Variants in LDAH observed in about 807,000 individuals in gnomAD.
LDAH encodes the protein lipid droplet-associated hydrolase.
LDAH carries 26 observed loss-of-function variants against 29.6 expected under a neutral mutation model. The ratio of observed to expected loss-of-function variants is 0.88; its 90% confidence interval spans 0.64 to 1.22. The LOEUF (loss-of-function observed/expected upper bound fraction) is 1.22, where lower values mean the gene tolerates loss of function less well. Ranked by LOEUF, LDAH falls within the 50% of genes most tolerant of loss-of-function variation. The pLI is 0.00. For synonymous variants in LDAH, 117 were observed against 133.0 expected (o/e 0.88, Z 0.83); for missense variants, 344 against 387.3 (o/e 0.89, Z 0.94).
intron 4 of LDAH, among the ~76,000 whole-genome samples, chr2:20,751,784 G>C (rs1226271669): frequency 6.6e-6 from 1 of 152,224 alleles, no homozygotes; most frequent in Non-Finnish European, 1.5e-5. Context: ...TGAAGAATCA[G>C]ACGAAATTGT....
At chr2:20,785,768 C>T (rs514459) in intron 3 of LDAH, among the ~76,000 whole-genome samples, 55,394 of 152,010 alleles carry the variant, frequency 0.36, 10,867 homozygotes, top group East Asian at 0.5. Context: ...TTTTCCAGCC[C>T]ACTGATTTTT....
rs760377645 is a variant in LDAH at position 20,784,594 on chromosome 2, T to A, written c.298+5661A>T. ...ATAATAATTATACTTATTAAAAAAATTTTTTTTTGGCTGGGCACAGTGGCT... is the reference window on the plus strand; with the variant it reads ...ATAATAATTATACTTATTAAAAAAAATTTTTTTTGGCTGGGCACAGTGGCT... On this transcript the variant is annotated intron_variant, in intron 3 of 6. Coordinates refer to ENST00000237822, the MANE Select transcript of LDAH (RefSeq NM_021925.4). 1.1e-3 allele frequency among the ~76,000 whole-genome samples: 163 copies of A among 150,692 alleles called. 1 individual carries two copies. Among genetic ancestry groups the A allele is most frequent in the Non-Finnish European group, 1.9e-3 (130 of 67,512 alleles).
chr2:20,769,595 G>T (rs1488185902), intron 4 of LDAH, among the ~76,000 whole-genome samples: 2 of 152,088 alleles, frequency 1.3e-5, no homozygotes, highest in Admixed American at 1.3e-4. Context: ...GTATGGATGA[G>T]GTATATTCCT....
chr2:20,683,529 G>A (rs1263200166), downstream of LDAH, among the ~76,000 whole-genome samples: 1 of 152,186 alleles, frequency 6.6e-6, no homozygotes, highest in Non-Finnish European at 1.5e-5. Context: ...TTTGCTTCCC[G>A]CATCTTTTCT....
chr2:20,698,825 G>A lies in LDAH; in HGVS notation c.786+2745C>T, dbSNP rs1273686357. Among the ~76,000 whole-genome samples, 2 of 152,200 alleles carry A rather than the reference G, an allele frequency of 1.3e-5. No homozygotes were observed. The highest frequency in any genetic ancestry group is 6.5e-5 in the Admixed American group (1 of 15,282). The stretch of plus-strand genomic sequence containing the variant: ...TAAATTACTTTATGTCCAATACTGT[G>A]TATAAAGTCACTGGACCTCAGAAGG... On this transcript the variant is annotated intron_variant, in intron 6 of 6. Coordinates refer to ENST00000237822, the MANE Select transcript of LDAH (RefSeq NM_021925.4). This position sits in a 1 kb window ranked among gnomAD's most constrained non-coding sequence, Gnocchi z 4.4.
intron 5 of LDAH, among the ~76,000 whole-genome samples, chr2:20,735,853 A>G (rs1666736100): frequency 6.6e-6 from 1 of 152,106 alleles, no homozygotes; most frequent in Non-Finnish European, 1.5e-5. Context: ...CTAGGCTTCC[A>G]CTGTTACCAT....
chr2:20,758,460 T>C (rs1668474026), intron 4 of LDAH, among the ~76,000 whole-genome samples: 1 of 152,138 alleles, frequency 6.6e-6, no homozygotes, highest in Non-Finnish European at 1.5e-5. Context: ...ATTAGTGAAG[T>C]AGAATGTTAA....
intron 2 of LDAH, among the ~76,000 whole-genome samples, chr2:20,798,473 CAG>C (rs1671452473): frequency 6.6e-6 from 1 of 151,740 alleles, no homozygotes; most frequent in African/African-American, 2.4e-5. Flanking sequence ...AAAAAGATAA[CAG>C]AACATCATTA....
chr2:20,747,804 A>G (rs551730569), intron 4 of LDAH, among the ~76,000 whole-genome samples: 2 of 152,274 alleles, frequency 1.3e-5, no homozygotes, highest in East Asian at 3.9e-4. Context: ...ACACTTATGC[A>G]CTTTATATAT....
chr2:20,767,124 C>T (rs971039327), intron 4 of LDAH, among the ~76,000 whole-genome samples: 10 of 152,328 alleles, frequency 6.6e-5, no homozygotes, highest in African/African-American at 2.2e-4. Context: ...GTTGCCCCTA[C>T]CCTGACACTG....
chr2:20,813,699 G>A (rs929586057), intron 1 of LDAH, among the ~76,000 whole-genome samples: 1 of 152,116 alleles, frequency 6.6e-6, no homozygotes, highest in African/African-American at 2.4e-5. Flanking sequence ...GATGTAGAAT[G>A]GTATCTTTCC....
At chr2:20,822,431 C>G (rs1451529127) in intron 1 of LDAH, among the ~76,000 whole-genome samples, 1 of 152,156 alleles carries the variant, frequency 6.6e-6, no homozygotes. Context: ...GCGTGAGCCA[C>G]GGCGCCCGGC....
At chr2:20,793,904 C>A (rs1671133376) in intron 2 of LDAH, among the ~76,000 whole-genome samples, 1 of 152,160 alleles carries the variant, frequency 6.6e-6, no homozygotes. Flanking sequence ...CAGGCCCACA[C>A]AGCTTCACTG....
intron 5 of LDAH, among the ~76,000 whole-genome samples, chr2:20,714,787 A>G (rs1665036934): frequency 6.6e-6 from 1 of 152,256 alleles, no homozygotes; most frequent in Non-Finnish European, 1.5e-5. Flanking sequence ...TCTAGAAGAA[A>G]TGGATAAATT....
At chr2:20,802,848 A>C (rs1370668917) in intron 1 of LDAH, among the ~76,000 whole-genome samples, 2 of 152,218 alleles carry the variant, frequency 1.3e-5, no homozygotes, top group Non-Finnish European at 2.9e-5. Flanking sequence ...TTATCTGGAA[A>C]AGTGGATCTG....
intron 3 of LDAH, among the ~76,000 whole-genome samples, chr2:20,788,380 T>G (rs1465858749): frequency 1.3e-5 from 2 of 152,174 alleles, no homozygotes; most frequent in African/African-American, 4.8e-5. Context: ...TGCCACCACA[T>G]TCAAATTTTA....
At chr2:20,692,856 T>C (rs990007831) in intron 6 of LDAH, among the ~76,000 whole-genome samples, 1 of 152,206 alleles carries the variant, frequency 6.6e-6, no homozygotes, top group Non-Finnish European at 1.5e-5. Context: ...GGGGGTGTCA[T>C]GCTGAGAGTG....
At chr2:20,748,944 T>C (rs1373037620) in intron 4 of LDAH, among the ~76,000 whole-genome samples, 1 of 152,210 alleles carries the variant, frequency 6.6e-6, no homozygotes, top group Non-Finnish European at 1.5e-5. Flanking sequence ...GCACTGGGAC[T>C]GTTCTAAGTT....
At chr2:20,748,327 T>C (rs543949064) in intron 4 of LDAH, among the ~76,000 whole-genome samples, 5 of 152,366 alleles carry the variant, frequency 3.3e-5, no homozygotes, top group East Asian at 1.9e-4. Flanking sequence ...TTAATCTTCA[T>C]GTCACGGTTG....
Sources: gnomAD v4.1 joint callset for allele counts (sites outside exome capture counted in the v4.1 genomes callset) on GRCh38, gnomAD v4.1.1 for gene constraint, Gnocchi (gnomAD v3.1) non-coding constraint, MANE v1.5 for transcripts, NCBI Gene and HGNC (gene_info 2026-07-23, HGNC 2026-07-21) for gene names.